TMEM164: variants seen among roughly 807,000 people sequenced by gnomAD.
TMEM164 encodes the protein transmembrane protein 164, also known as RP13-360B22.2.
A neutral mutation model predicts 18.8 loss-of-function variants in TMEM164; 4 were observed. The ratio of observed to expected loss-of-function variants is 0.21; its 90% CI spans 0.10 to 0.49. The LOEUF is 0.49. Ranked by LOEUF, TMEM164 falls within the 20% of genes least tolerant of loss-of-function variation. TMEM164 has a pLI of 0.98. For missense variants in TMEM164, 108 were observed against 239.9 expected (o/e 0.45, Z 3.63); for synonymous variants, 86 against 101.7 (o/e 0.85, Z 0.93).
intron 2 of TMEM164, among the ~76,000 whole-genome samples, chrX:110,021,601 G>A (rs779678776): frequency 2.5e-4 from 28 of 111,542 alleles, no homozygotes; most frequent in African/African-American, 9.1e-4. Context: ...ATTGCTATGA[G>A]GAAACATCAG....
intron 3 of TMEM164, among the ~76,000 whole-genome samples, chrX:110,080,602 G>T (rs1412680711): frequency 8.9e-6 from 1 of 112,112 alleles, no homozygotes; most frequent in East Asian, 2.8e-4. Flanking sequence ...CTATAATTTT[G>T]CTATTTTAGG....
At chrX:110,081,047 C>G (rs1237783043) in intron 3 of TMEM164, among the ~76,000 whole-genome samples, 4 of 109,918 alleles carry the variant, frequency 3.6e-5, no homozygotes, top group African/African-American at 1.3e-4. Context: ...TACACACCAT[C>G]TTTAATGGGT....
chrX:110,065,404 C>T (rs1041864407), intron 2 of TMEM164: 6 of 111,420 alleles, frequency 5.4e-5, no homozygotes, highest in African/African-American at 2.0e-4. Flanking sequence ...TATTGAGGAC[C>T]TTTCTAAGGT....
At chrX:110,108,054 G>A (rs1399415615) in intron 3 of TMEM164, among the ~76,000 whole-genome samples, 1 of 100,899 alleles carries the variant, frequency 9.9e-6, no homozygotes, top group Non-Finnish European at 2.0e-5. Flanking sequence ...CCCAGCCAGG[G>A]CATAGGAGGT....
At chrX:110,160,853 GC>G in intron 5 of TMEM164, among the ~76,000 whole-genome samples, 1 of 112,088 alleles carries the variant, frequency 8.9e-6, no homozygotes, top group East Asian at 2.8e-4. Flanking sequence ...GGATTCTCAT[GC>G]CTCAGCCTCC....
intron 2 of TMEM164, among the ~76,000 whole-genome samples, chrX:110,011,043 C>T (rs1932973439): frequency 9.0e-6 from 1 of 111,668 alleles, no homozygotes; most frequent in Admixed American, 9.5e-5. Flanking sequence ...TTTAGATGTT[C>T]GTGGGAGTTT....
At chrX:110,065,441 G>A (rs746756734) in intron 2 of TMEM164, 10 of 111,468 alleles carry the variant, frequency 9.0e-5, no homozygotes, top group Non-Finnish European at 1.5e-4. Flanking sequence ...TCTTCTCTGT[G>A]TACTGTAGCT....
rs1456964376 is a variant in TMEM164 at position 110,025,618 on chromosome X, G to A, written c.390+21454G>A. Among the ~76,000 whole-genome samples, 6 of 112,284 alleles carry A rather than the reference G, an allele frequency of 5.3e-5. No homozygotes were observed. In the South Asian group the frequency reaches 2.2e-3, roughly 41 times the overall value. On this transcript the variant is annotated intron_variant, in intron 2 of 6. Transcript: ENST00000372068. ...GTGGCAGTATTTGTTTTGTTTGTTT[G>A]TTTTTGTTTTTAATGTTGCTCAGTC...
chrX:110,077,119 T>C (rs1403854419), intron 3 of TMEM164, among the ~76,000 whole-genome samples: 2 of 112,422 alleles, frequency 1.8e-5, no homozygotes, highest in Non-Finnish European at 3.8e-5. Context: ...AGTATGTGTT[T>C]TATGAATTTG....
rs1932501885 is a variant in TMEM164 at position 110,003,832 on chromosome X, A to C, written c.58A>C (p.Ser20Arg). 1 of 1,209,230 alleles carries C rather than the reference A, an allele frequency of 8.3e-7. No individual in the cohort carries two copies. Among genetic ancestry groups the C allele is most frequent in the South Asian group, 1.8e-5 (1 of 56,675 alleles). ...CTGGCTCTATGGGGGCGTGGACCCC[A>C]GTTTTGCAGGCAATGGGGGCCCCGA... ...LDWLYGGVDP[S>R]FAGNGGPDCA... The change falls in exon 2 of 7, where the codon AGT becomes CGT. Residue 20 changes from serine (S) to arginine (R), a missense_variant. Transcript: ENST00000372068.
At chrX:110,086,161 G>T (rs755035523) in intron 3 of TMEM164, among the ~76,000 whole-genome samples, 1 of 112,207 alleles carries the variant, frequency 8.9e-6, no homozygotes, top group Non-Finnish European at 1.9e-5. Context: ...AGTTTTCAGT[G>T]TTTGGGGAAT....
chrX:110,021,441 G>C (rs1279612049), intron 2 of TMEM164, among the ~76,000 whole-genome samples: 1 of 111,446 alleles, frequency 9.0e-6, no homozygotes, highest in African/African-American at 3.3e-5. Flanking sequence ...GGGATAAGTA[G>C]AAGAGTAGCT....
intron 3 of TMEM164, among the ~76,000 whole-genome samples, chrX:110,085,794 G>C (rs1229034815): frequency 9.0e-6 from 1 of 111,659 alleles, no homozygotes; most frequent in African/African-American, 3.3e-5. Flanking sequence ...TACTTGTGAG[G>C]GCTCCCACTC....
intron 4 of TMEM164, among the ~76,000 whole-genome samples, chrX:110,117,885 C>T (rs921290652): frequency 2.8e-4 from 31 of 111,958 alleles, no homozygotes; most frequent in African/African-American, 9.7e-4. Context: ...GCTTCTTACA[C>T]ACTTGGAATT....
intron 3 of TMEM164, among the ~76,000 whole-genome samples, chrX:110,092,102 G>A (rs1415113282): frequency 8.9e-6 from 1 of 111,884 alleles, no homozygotes; most frequent in Non-Finnish European, 1.9e-5. Context: ...TGCTGTTTTG[G>A]TTACTGCAGC....
At chrX:110,073,215 T>C (rs2065622331) in intron 3 of TMEM164, among the ~76,000 whole-genome samples, 1 of 110,575 alleles carries the variant, frequency 9.0e-6, no homozygotes. Flanking sequence ...ATTTTAGTTT[T>C]TGTAGAGATG....
intron 4 of TMEM164, among the ~76,000 whole-genome samples, chrX:110,113,879 C>G (rs1244326056): frequency 1.8e-5 from 2 of 111,716 alleles, no homozygotes; most frequent in East Asian, 5.6e-4. Flanking sequence ...ACCTAGGATC[C>G]TGGAAAAAGG....
intron 2 of TMEM164, among the ~76,000 whole-genome samples, chrX:110,026,772 A>G (rs187515681): frequency 6.8e-4 from 76 of 111,579 alleles, no homozygotes; most frequent in Non-Finnish European, 4.7e-4. Flanking sequence ...AACTTAACCA[A>G]CTGCTTGGTT....
At chrX:110,123,466 G>A (rs936413999) in intron 4 of TMEM164, among the ~76,000 whole-genome samples, 1 of 111,977 alleles carries the variant, frequency 8.9e-6, no homozygotes, top group African/African-American at 3.2e-5. Context: ...TAAGGCCCAG[G>A]GGGATTGACT....
Sources: gnomAD v4.1 joint callset for allele counts (sites outside exome capture counted in the v4.1 genomes callset) on GRCh38, gnomAD v4.1.1 for gene constraint, MANE v1.5 for transcripts, NCBI Gene and HGNC (gene_info 2026-07-23, HGNC 2026-07-21) for gene names.